Variants in HERC3 observed in about 807,000 individuals in gnomAD.
HERC3 encodes probable E3 ubiquitin-protein ligase HERC3.
HERC3 carries 58 observed loss-of-function variants against 129.9 expected under a neutral mutation model. The observed-to-expected ratio is 0.45, with a 90% CI of 0.36 to 0.56. HERC3 has a LOEUF of 0.56. HERC3 is among the 20% of genes least tolerant of loss of function. HERC3 has a pLI of 0.00. For missense variants in HERC3, 835 were observed against 1,244.2 expected (o/e 0.67, Z 4.95); for synonymous variants, 430 against 451.0 (o/e 0.95, Z 0.59).
Position 88,606,042 on chromosome 4 carries a change from C to T in HERC3, c.219C>T (p.Asn73=), listed in dbSNP as rs1321453305. 1 of 1,612,812 alleles carries T rather than the reference C, an allele frequency of 6.2e-7. No homozygotes were observed. The highest frequency in any genetic ancestry group is 8.5e-7 in the Non-Finnish European group (1 of 1,179,064). Reference sequence around the variant, plus strand: ...AACTGGGCCATGAGAGGGAAGGAAACAAGCCAGGTAAGTGCACCTTATCTG... The same window carrying T: ...AACTGGGCCATGAGAGGGAAGGAAATAAGCCAGGTAAGTGCACCTTATCTG... ...KGQLGHEREG[N]KPEQIGALAD... Residue 73 remains asparagine (N), a synonymous_variant, in exon 3 of 26, where the codon AAC becomes AAT. Coordinates refer to ENST00000402738, the MANE Select transcript of HERC3 (RefSeq NM_014606.3).
At chr4:88,579,364 G>A in the HERC3 span, among the ~76,000 whole-genome samples, 6 of 152,098 alleles carry the variant, frequency 3.9e-5, no homozygotes, top group East Asian at 3.9e-4. Context: ...CCGAGATGGC[G>A]TCACTGCAAT....
At chr4:88,593,254 T>A (rs914369608) in intron 1 of HERC3, 2 of 147,494 alleles carry the variant, frequency 1.4e-5, no homozygotes, top group African/African-American at 5.3e-5. Context: ...CGGACACGTG[T>A]GTACGGGTGT....
chr4:88,697,199 G>GC (rs765044533), intron 23 of HERC3: 26 of 1,504,438 alleles, frequency 1.7e-5, no homozygotes, highest in Non-Finnish European at 2.2e-5. Flanking sequence ...ATCCATCTCT[G>GC]CCCCCCTTAC....
At chr4:88,663,168 TGTG>T (rs1308613107) in intron 11 of HERC3, among the ~76,000 whole-genome samples, 1 of 152,172 alleles carries the variant, frequency 6.6e-6, no homozygotes, top group Non-Finnish European at 1.5e-5. Flanking sequence ...TGCACTAAGT[TGTG>T]GTTATTCCCA....
chr4:88,586,202 A>C, the HERC3 span, among the ~76,000 whole-genome samples: 10 of 152,220 alleles, frequency 6.6e-5, no homozygotes, highest in Admixed American at 6.5e-4. Context: ...AAGTTGGTTA[A>C]ATGACAGCAT....
chr4:88,661,807 T>A (rs1578264419), intron 10 of HERC3, among the ~76,000 whole-genome samples: 1 of 152,360 alleles, frequency 6.6e-6, no homozygotes, highest in East Asian at 1.9e-4. Context: ...ATTGTTTTTA[T>A]AGGTTATTTG....
chr4:88,632,104 G>GT (rs1726838344), intron 3 of HERC3, among the ~76,000 whole-genome samples: 1 of 152,172 alleles, frequency 6.6e-6, no homozygotes. Context: ...AAACCTGGAA[G>GT]TATTTGGGAG....
At chr4:88,561,062 T>C in the HERC3 span, among the ~76,000 whole-genome samples, 1 of 152,174 alleles carries the variant, frequency 6.6e-6, no homozygotes, top group Non-Finnish European at 1.5e-5. Context: ...GTTATGGCTA[T>C]TTGGGGTCTT....
At chr4:88,680,687 G>A (rs972419856) in intron 20 of HERC3, among the ~76,000 whole-genome samples, 4 of 152,114 alleles carry the variant, frequency 2.6e-5, no homozygotes, top group African/African-American at 4.8e-5. Flanking sequence ...TTTTTTCTAT[G>A]AGAGTTTTCT....
rs948303307 is a variant in HERC3 at position 88,634,409 on chromosome 4, G to A, written c.227-15431G>A. 5.1e-4 allele frequency among the ~76,000 whole-genome samples: 78 copies of A among 152,296 alleles called. 1 individual carries two copies. Among genetic ancestry groups the A allele is most frequent in the African/African-American group, 1.8e-3 (75 of 41,576 alleles). ...ACCTACGCTCCTTGTGGGAGGGGTG[G>A]CAGCCAACACTGCAGCTTCAGGGCT... On this transcript the variant is annotated intron_variant, in intron 3 of 25. Transcript: ENST00000402738.
the HERC3 span, among the ~76,000 whole-genome samples, chr4:88,574,264 C>T: frequency 3.3e-5 from 5 of 152,172 alleles, no homozygotes; most frequent in Non-Finnish European, 7.3e-5. Context: ...ACAGAGGTTG[C>T]AGCTTTATGC....
At chr4:88,634,369 C>T (rs1727116316) in intron 3 of HERC3, among the ~76,000 whole-genome samples, 1 of 152,192 alleles carries the variant, frequency 6.6e-6, no homozygotes, top group Non-Finnish European at 1.5e-5. Flanking sequence ...GCTGTGGCTG[C>T]CTGCTGTCTA....
chr4:88,608,640 A>G (rs1040554028), intron 3 of HERC3, among the ~76,000 whole-genome samples: 3 of 152,200 alleles, frequency 2.0e-5, no homozygotes, highest in Non-Finnish European at 2.9e-5. Context: ...ACTTTTTCAA[A>G]TGGTCTTCAT....
intron 3 of HERC3, among the ~76,000 whole-genome samples, chr4:88,633,089 A>G (rs1445058959): frequency 6.6e-6 from 1 of 152,244 alleles, no homozygotes; most frequent in Non-Finnish European, 1.5e-5. Flanking sequence ...ATAGCAGAGC[A>G]TAGAAAGAAG....
chr4:88,690,599 C>T (rs1399178006), intron 23 of HERC3: 1 of 985,180 alleles, frequency 1.0e-6, no homozygotes, highest in Non-Finnish European at 1.2e-6. Context: ...GATACAGTGG[C>T]TGGGGAAATG....
chr4:88,542,663 A>G, the HERC3 span, among the ~76,000 whole-genome samples: 4 of 152,212 alleles, frequency 2.6e-5, no homozygotes, highest in Admixed American at 2.6e-4. Context: ...AATATTGCTG[A>G]TGAACATCAA....
At chr4:88,571,238 T>A in the HERC3 span, among the ~76,000 whole-genome samples, 1 of 152,170 alleles carries the variant, frequency 6.6e-6, no homozygotes, top group Non-Finnish European at 1.5e-5. Context: ...ACCTGGCTCA[T>A]CCCTAGTTTA....
At chr4:88,630,981 AT>A (rs1726680400) in intron 3 of HERC3, among the ~76,000 whole-genome samples, 2 of 152,184 alleles carry the variant, frequency 1.3e-5, no homozygotes, top group South Asian at 4.1e-4. Context: ...ACAGGGCTCC[AT>A]ATGTTATTAT....
chr4:88,637,907 T>C (rs2149251875), intron 3 of HERC3, among the ~76,000 whole-genome samples: 1 of 152,246 alleles, frequency 6.6e-6, no homozygotes, highest in African/African-American at 2.4e-5. Context: ...ATAAAGGGGA[T>C]ATCACCACTG....
Sources: allele counts gnomAD v4.1 joint callset (sites outside exome capture counted in the v4.1 genomes callset), GRCh38; gene constraint gnomAD v4.1.1; transcripts MANE v1.5; gene names NCBI Gene and HGNC (gene_info 2026-07-23, HGNC 2026-07-21).